Variants in CDH12 observed in about 807,000 individuals in gnomAD.
The protein encoded by CDH12 is cadherin 12, also known as cadherin-12.
CDH12 carries 41 observed loss-of-function variants against 74.1 expected under a neutral mutation model. The observed-to-expected ratio is 0.55, with a 90% CI of 0.43 to 0.72. The LOEUF (loss-of-function observed/expected upper bound fraction) is 0.72, where lower values mean the gene tolerates loss of function less well. Ranked by LOEUF, CDH12 falls within the 30% of genes least tolerant of loss-of-function variation. The probability of loss-of-function intolerance (pLI) is 0.00; values close to 1 mark genes in which losing one functional copy is unlikely to be tolerated. For synonymous variants in CDH12, 399 were observed against 355.0 expected (o/e 1.12, Z -1.39); for missense variants, 945 against 977.2 (o/e 0.97, Z 0.44).
At chr5:22,609,808 AT>A (rs1232218172) in intron 1 of CDH12, among the ~76,000 whole-genome samples, 3 of 152,220 alleles carry the variant, frequency 2.0e-5, no homozygotes, top group Non-Finnish European at 2.9e-5. Context: ...GTCTGTTTGT[AT>A]TTTTGATTGT....
intron 1 of CDH12, among the ~76,000 whole-genome samples, chr5:22,725,164 TTC>T (rs1744097292): frequency 6.6e-6 from 1 of 151,930 alleles, no homozygotes; most frequent in Admixed American, 6.6e-5. Context: ...CACACCTAAA[TTC>T]TCTCTGTGCT....
intron 1 of CDH12, among the ~76,000 whole-genome samples, chr5:22,593,830 A>T (rs1003019996): frequency 6.6e-6 from 1 of 152,188 alleles, no homozygotes; most frequent in Admixed American, 6.6e-5. Flanking sequence ...GTTGCCTACA[A>T]TAAGGGTTCT....
At chr5:21,915,948 T>G (rs1754072657) in intron 6 of CDH12, among the ~76,000 whole-genome samples, 1 of 61,732 alleles carries the variant, frequency 1.6e-5, no homozygotes, top group Non-Finnish European at 5.8e-5. Context: ...AACAAGGCCT[T>G]CATACTTTTA....
chr5:21,880,296 A>C (rs910689594), intron 6 of CDH12, among the ~76,000 whole-genome samples: 2 of 152,160 alleles, frequency 1.3e-5, no homozygotes, highest in African/African-American at 2.4e-5. Context: ...TATCAGTGTT[A>C]TCTTTTCTAT....
chr5:22,816,514 C>T (rs1372753866), intron 1 of CDH12, among the ~76,000 whole-genome samples: 2 of 152,158 alleles, frequency 1.3e-5, no homozygotes, highest in Non-Finnish European at 2.9e-5. Context: ...TCAGTCTTGA[C>T]ATGAACCATA....
chr5:22,745,102 C>G (rs1320259431), intron 1 of CDH12, among the ~76,000 whole-genome samples: 1 of 151,512 alleles, frequency 6.6e-6, no homozygotes, highest in Admixed American at 6.6e-5. Context: ...TATAGTTATA[C>G]CACAATGAAA....
intron 3 of CDH12, among the ~76,000 whole-genome samples, chr5:22,324,851 A>C (rs961483356): frequency 6.6e-6 from 1 of 152,174 alleles, no homozygotes; most frequent in African/African-American, 2.4e-5. Flanking sequence ...TTTGTAATCA[A>C]ATATAATAGT....
chr5:22,391,219 C>T (rs929850333), intron 3 of CDH12, among the ~76,000 whole-genome samples: 2 of 152,100 alleles, frequency 1.3e-5, no homozygotes, highest in African/African-American at 2.4e-5. Flanking sequence ...AGTGACATTC[C>T]ACATGAGATC....
chr5:22,182,910 A>G (rs966986368), intron 4 of CDH12, among the ~76,000 whole-genome samples: 22 of 152,052 alleles, frequency 1.4e-4, no homozygotes, highest in Non-Finnish European at 2.6e-4. Flanking sequence ...TTTTATGGTG[A>G]ATTCTCAGTT....
At chr5:22,020,286 G>A (rs969155419) in intron 5 of CDH12, among the ~76,000 whole-genome samples, 1 of 152,094 alleles carries the variant, frequency 6.6e-6, no homozygotes, top group African/African-American at 2.4e-5. Context: ...GGGCGTGGTG[G>A]CTCACACCTA....
intron 3 of CDH12, among the ~76,000 whole-genome samples, chr5:22,311,665 T>G (rs574332214): frequency 6.8e-6 from 1 of 146,756 alleles, no homozygotes; most frequent in Non-Finnish European, 1.5e-5. Context: ...ATCACGCCAT[T>G]GCACTCCAGT....
intron 3 of CDH12, among the ~76,000 whole-genome samples, chr5:22,360,454 A>T (rs1417902772): frequency 6.6e-6 from 1 of 152,078 alleles, no homozygotes; most frequent in Non-Finnish European, 1.5e-5. Context: ...TTACCAACAA[A>T]AATGTCCAGG....
intron 1 of CDH12, among the ~76,000 whole-genome samples, chr5:22,540,108 G>A (rs1738033462): frequency 6.6e-6 from 1 of 152,070 alleles, no homozygotes; most frequent in African/African-American, 2.4e-5. Flanking sequence ...TGACACAGAA[G>A]AAATGTTTAT....
At chr5:22,039,088 G>T (rs184291475) in intron 5 of CDH12, among the ~76,000 whole-genome samples, 1 of 152,202 alleles carries the variant, frequency 6.6e-6, no homozygotes, top group Non-Finnish European at 1.5e-5. Flanking sequence ...ACTGCACCTG[G>T]ACTTACAGAG....
intron 1 of CDH12, among the ~76,000 whole-genome samples, chr5:22,833,647 A>G (rs558983539): frequency 1.3e-5 from 2 of 152,194 alleles, no homozygotes; most frequent in South Asian, 4.1e-4. Context: ...TTGTTTATTC[A>G]GTGTTTTTAA....
At chr5:22,654,189 CTTTCTTTCT>C (rs1472392286) in intron 1 of CDH12, among the ~76,000 whole-genome samples, 3 of 147,628 alleles carry the variant, frequency 2.0e-5, no homozygotes, top group Non-Finnish European at 4.5e-5. Context: ...TTCTTTCTTT[CTTTCTTTCT>C]TTTCTTTCTT....
chr5:22,491,389 C>A (rs1237568446), intron 2 of CDH12, among the ~76,000 whole-genome samples: 1 of 151,982 alleles, frequency 6.6e-6, no homozygotes, highest in Non-Finnish European at 1.5e-5. Flanking sequence ...TATGCATATA[C>A]CACGTTTTCT....
chr5:22,591,412 A>T (rs899350087), intron 1 of CDH12, among the ~76,000 whole-genome samples: 3 of 152,170 alleles, frequency 2.0e-5, no homozygotes, highest in Admixed American at 6.6e-5. Context: ...AATATTTTTT[A>T]AAATGGCATG....
At chr5:21,866,494 C>A (rs1364622222) in intron 6 of CDH12, among the ~76,000 whole-genome samples, 1 of 152,126 alleles carries the variant, frequency 6.6e-6, no homozygotes, top group Admixed American at 6.5e-5. Flanking sequence ...TGACTCCTGT[C>A]ATGTTTTAGT....
Sources: allele counts gnomAD v4.1 joint callset (sites outside exome capture counted in the v4.1 genomes callset), GRCh38; gene constraint gnomAD v4.1.1; transcripts MANE v1.5; gene names NCBI Gene and HGNC (gene_info 2026-07-23, HGNC 2026-07-21).